SLC29A4: variants seen among roughly 807,000 people sequenced by gnomAD.
The protein encoded by SLC29A4 is solute carrier family 29 member 4, also known as equilibrative nucleoside transporter 4.
A neutral mutation model predicts 43.9 loss-of-function variants in SLC29A4; 36 were observed. The observed-to-expected ratio is 0.82, with a 90% CI of 0.63 to 1.08. The LOEUF (loss-of-function observed/expected upper bound fraction) is 1.08. SLC29A4 is among the 50% of genes least tolerant of loss of function. The probability of loss-of-function intolerance (pLI) is 0.00; values close to 1 mark genes in which losing one functional copy is unlikely to be tolerated. For missense variants in SLC29A4, 869 were observed against 755.3 expected, an observed-to-expected ratio of 1.15 and a Z score of -1.77; for synonymous variants, 491 against 338.0, an observed-to-expected ratio of 1.45 and a Z score of -4.97.
chr7:5,300,042 A>G, intron 9 of SLC29A4, among the ~76,000 whole-genome samples: 1 of 152,046 alleles, frequency 6.6e-6, no homozygotes, highest in Admixed American at 6.5e-5. Context: ...ACAGCACGAG[A>G]CTCTGTCTCA....
chr7:5,294,949 A>C lies in SLC29A4; in HGVS notation c.619+15A>C. On this transcript the variant is annotated intron_variant, in intron 6 of 10. Transcript: ENST00000396872. ...GACCGGGGAGAGTGAGTATCTGCAGACCCCCCGGGGAGGGGGTGCTGGGCT... is the reference window on the plus strand; with the variant it reads ...GACCGGGGAGAGTGAGTATCTGCAGCCCCCCCGGGGAGGGGGTGCTGGGCT... 1.3e-6 allele frequency: 2 copies of C among 1,592,622 alleles called. No individual in the cohort carries two copies. Among genetic ancestry groups the C allele is most frequent in the Non-Finnish European group, 1.7e-6 (2 of 1,171,868 alleles).
intron 5 of SLC29A4, among the ~76,000 whole-genome samples, chr7:5,293,294 C>G (rs1376989958): frequency 6.6e-6 from 1 of 151,644 alleles, no homozygotes; most frequent in Non-Finnish European, 1.5e-5. Context: ...GCCTCAGCCT[C>G]CCGAGTAGCT....
At chr7:5,289,208 A>G (rs1405506007) in intron 2 of SLC29A4, among the ~76,000 whole-genome samples, 7 of 151,934 alleles carry the variant, frequency 4.6e-5, no homozygotes, top group South Asian at 2.1e-4. Context: ...GCCGGCCTGA[A>G]CAACCTGGCA....
Position 5,303,076 on chromosome 7 carries a change from G to T in SLC29A4, c.*137G>T. On this transcript the variant is annotated 3_prime_UTR_variant, in exon 11 of 11. Coordinates refer to ENST00000396872, the MANE Select transcript of SLC29A4 (RefSeq NM_153247.4). ...GTGCCAGCAGCCCCACTCCCTCAGG[G>T]TCCAGCCATGCCCCACCCTGGACTG... 9.6e-7 allele frequency: 1 copy of T among 1,039,962 alleles called. No individual in the cohort carries two copies. Among genetic ancestry groups the T allele is most frequent in the Non-Finnish European group, 1.4e-6 (1 of 726,604 alleles). 64.4% of individuals were successfully genotyped at this position (1,039,962 alleles called of 1,614,324 possible). A position where few individuals can be genotyped will look rare whatever the true frequency, so the allele number is the denominator to read the frequency against.
At position 5,291,767 on chromosome 7, in the gene SLC29A4, C is replaced by A. The variant is rs745372603; in HGVS notation, c.490C>A (p.Gln164Lys). Residue 164 changes from glutamine (Q) to lysine (K), a missense_variant, in exon 5 of 11, where the codon CAG becomes AAG. Physicochemically the swap from Gln to Lys is moderately conservative, Grantham distance 53. Transcript: ENST00000396872. ...GTGGCTGCAGCTCTTCTCTCGGGAC[C>A]AGGCCTACGCCATCAACCTGGCCGC... Reference protein sequence around the residue: ...DVWLQLFSRDQAYAINLAAVG... With the variant: ...DVWLQLFSRDKAYAINLAAVG... 6.2e-7 allele frequency: 1 copy of A among 1,612,018 alleles called. No individual in the cohort carries two copies. Among genetic ancestry groups the A allele is most frequent in the Non-Finnish European group, 8.5e-7 (1 of 1,179,836 alleles).
At chr7:5,284,144 G>T (rs539097769) in intron 1 of SLC29A4, among the ~76,000 whole-genome samples, 1 of 152,094 alleles carries the variant, frequency 6.6e-6, no homozygotes, top group African/African-American at 2.4e-5. Flanking sequence ...TTGGTTCTGG[G>T]AGGCCGGGGC....
Position 5,297,176 on chromosome 7 carries a change from T to A in SLC29A4, c.860T>A (p.Val287Asp). 1 of 1,594,202 alleles carries A rather than the reference T, an allele frequency of 6.3e-7. No homozygotes were observed. The highest frequency in any genetic ancestry group is 1.1e-5 in the South Asian group (1 of 90,618). Reference sequence around the variant, plus strand: ...TATGGCTACCGCGTGCACCACGACGTTGTCGCCGGGGACGTCCACTTCGTA... The same window carrying A: ...TATGGCTACCGCGTGCACCACGACGATGTCGCCGGGGACGTCCACTTCGTA... Reference protein sequence around the residue: ...RGYGYRVHHDVVAGDVHFEHP... With the variant: ...RGYGYRVHHDDVAGDVHFEHP... Residue 287 changes from valine (V) to aspartate (D), a missense_variant, in exon 7 of 11, where the codon GTT becomes GAT. Coordinates refer to ENST00000396872, the MANE Select transcript of SLC29A4 (RefSeq NM_153247.4).
At chr7:5,298,327 G>C (rs1785861296) in intron 7 of SLC29A4, among the ~76,000 whole-genome samples, 1 of 152,198 alleles carries the variant, frequency 6.6e-6, no homozygotes, top group South Asian at 2.1e-4. Flanking sequence ...CAGGAAGCGT[G>C]TTGGGGCAGA....
At chr7:5,285,048 T>C (rs1784865007) in intron 1 of SLC29A4, among the ~76,000 whole-genome samples, 1 of 152,178 alleles carries the variant, frequency 6.6e-6, no homozygotes, top group African/African-American at 2.4e-5. Context: ...TGTTGTAGAC[T>C]GTCACCCTGA....
At position 5,305,167 on chromosome 7, in the gene SLC29A4, G is replaced by A. The variant is rs1338540436; in HGVS notation, c.*2228G>A. 1 of 152,342 alleles carries A rather than the reference G, an allele frequency of 6.6e-6. No individual in the cohort carries two copies. Among genetic ancestry groups the A allele is most frequent in the Non-Finnish European group, 1.5e-5 (1 of 68,152 alleles). 9.4% of individuals were successfully genotyped at this position (152,342 alleles called of 1,614,324 possible). On this transcript the variant is annotated 3_prime_UTR_variant, in exon 11 of 11. Transcript: ENST00000396872. Reference sequence around the variant, plus strand: ...ATGGGGCTGGTCCAGGTTTTGATGTGGGTCCCGTAAAGGAGGGCACGAGGG... The same window carrying A: ...ATGGGGCTGGTCCAGGTTTTGATGTAGGTCCCGTAAAGGAGGGCACGAGGG...
Position 5,299,062 on chromosome 7 carries a change from C to T in SLC29A4, c.957C>T (p.Gly319=), listed in dbSNP as rs11761173. The T allele has an allele frequency of 0.078, 126,067 of 1,611,180 alleles. 5,828 individuals are homozygous for T. The highest frequency in any genetic ancestry group is 0.095 in the Non-Finnish European group (111,853 of 1,179,548). Residue 319 remains glycine (G), a synonymous_variant, in exon 8 of 11, where the codon GGC becomes GGT. Coordinates refer to ENST00000396872, the MANE Select transcript of SLC29A4 (RefSeq NM_153247.4). ...DSPAHEVTGS[G]GAYMRFDVPR... ...CAGCCCACGAGGTGACCGGCAGCGG[C>T]GGGGCCTACATGCGCTTTGATGTGC...
chr7:5,288,406 G>A (rs1180022483), intron 2 of SLC29A4, among the ~76,000 whole-genome samples: 2 of 138,022 alleles, frequency 1.4e-5, no homozygotes, highest in East Asian at 2.2e-4. Context: ...CTGGGTTCAC[G>A]CCATTCTCCT....
chr7:5,290,730 A>C lies in SLC29A4; in HGVS notation c.170-2A>C. The C allele has an allele frequency of 6.2e-7, 1 of 1,606,178 alleles. No homozygotes were observed. The highest frequency in any genetic ancestry group is 8.5e-7 in the Non-Finnish European group (1 of 1,174,270). Reference sequence around the variant, plus strand: ...CGTCTCACCTGGTGTCTCTGGCTTTAGCATTGGACGAGCCAGTGCCCGATG... The same window carrying C: ...CGTCTCACCTGGTGTCTCTGGCTTTCGCATTGGACGAGCCAGTGCCCGATG... On this transcript the variant is annotated splice_acceptor_variant, in intron 2 of 10. Transcript: ENST00000396872. LOFTEE classifies it high-confidence loss of function.
chr7:5,295,283 C>T (rs1214281846), intron 6 of SLC29A4, among the ~76,000 whole-genome samples: 1 of 152,064 alleles, frequency 6.6e-6, no homozygotes, highest in Non-Finnish European at 1.5e-5. Context: ...CCGTCCATGG[C>T]CGTGATGTCA....
In SLC29A4 at chr7:5,291,775, C is replaced by T. The variant is rs373158173; in HGVS notation, c.498C>T (p.Tyr166=). The T allele has an allele frequency of 5.3e-5, 86 of 1,611,956 alleles. No individual in the cohort carries two copies. The Middle Eastern group carries it at 9.0e-4, about 17-fold the overall frequency. ...WLQLFSRDQA[Y]AINLAAVGTV... ...AGCTCTTCTCTCGGGACCAGGCCTA[C>T]GCCATCAACCTGGCCGCTGTGGGCA... Residue 166 remains tyrosine, a synonymous_variant, in exon 5 of 11, where the codon TAC becomes TAT. Coordinates refer to ENST00000396872, the MANE Select transcript of SLC29A4 (RefSeq NM_153247.4).
Position 5,303,558 on chromosome 7 carries a change from C to A in SLC29A4, c.*619C>A, listed in dbSNP as rs1355701862. ...TGGACCCGCCTGCGGTCTGCATCAG[C>A]CTCTGGGAAACCACAGCAGTGATGC... On this transcript the variant is annotated 3_prime_UTR_variant, in exon 11 of 11. Transcript: ENST00000396872. 6.5e-6 allele frequency: 1 copy of A among 153,564 alleles called. No homozygotes were observed. Among genetic ancestry groups the A allele is most frequent in the Non-Finnish European group, 1.4e-5 (1 of 69,100 alleles). The allele number at this position is 153,564 out of a possible 1,614,324, so 9.5% of individuals were successfully genotyped here. A position where few individuals can be genotyped will look rare whatever the true frequency, so the allele number is the denominator to read the frequency against.
Position 5,299,174 on chromosome 7 carries a change from G to C in SLC29A4, c.1021+48G>C, listed in dbSNP as rs763528076. The C allele has an allele frequency of 4.4e-6, 7 of 1,599,230 alleles. No individual in the cohort carries two copies. In the South Asian group the frequency reaches 7.8e-5, roughly 18 times the overall value. ...TGCCCTGGCTCTGGCACCCAGGCAG[G>C]GGGTGGGGGAGGCAGGCAGGGGTCC... is the stretch of plus-strand genomic sequence containing the variant. On this transcript the variant is annotated intron_variant, in intron 8 of 10. Transcript: ENST00000396872.
intron 10 of SLC29A4, among the ~76,000 whole-genome samples, chr7:5,301,599 G>A (rs544782510): frequency 6.0e-4 from 92 of 152,342 alleles, no homozygotes; most frequent in African/African-American, 2.0e-3. Context: ...TCCAGCTGCC[G>A]TGGGCATGGA....
At chr7:5,286,531 AAAAG>A (rs1007317824) in intron 1 of SLC29A4, among the ~76,000 whole-genome samples, 1 of 141,822 alleles carries the variant, frequency 7.1e-6, no homozygotes, top group Non-Finnish European at 1.5e-5. Flanking sequence ...TCAAAAAAAA[AAAAG>A]AAAAAAGAAA....
Sources: gnomAD v4.1 joint callset for allele counts (sites outside exome capture counted in the v4.1 genomes callset) on GRCh38, gnomAD v4.1.1 for gene constraint, MANE v1.5 for transcripts, NCBI Gene and HGNC (gene_info 2026-07-23, HGNC 2026-07-21) for gene names.